The following PLCB4 variants were observed in gnomAD, a reference collection of about 807,000 sequenced individuals.
PLCB4 encodes the protein 1-phosphatidylinositol 4,5-bisphosphate phosphodiesterase beta-4.
A neutral mutation model predicts 178.8 loss-of-function variants in PLCB4; 77 were observed. The ratio of observed to expected loss-of-function variants is 0.43; its 90% CI spans 0.36 to 0.52. PLCB4 has a LOEUF of 0.52. PLCB4 is among the 20% of genes least tolerant of loss of function. PLCB4 has a pLI of 0.00. For synonymous variants in PLCB4, 496 were observed against 490.8 expected (o/e 1.01, Z -0.14); for missense variants, 1,024 against 1,453.4 (o/e 0.70, Z 4.80).
intron 2 of PLCB4, among the ~76,000 whole-genome samples, chr20:9,116,494 A>T (rs1479894147): frequency 6.6e-6 from 1 of 152,170 alleles, no homozygotes; most frequent in Non-Finnish European, 1.5e-5. Flanking sequence ...ACCTATCCTT[A>T]TATCAGTATC....
chr20:9,186,998 G>A (rs535458805), intron 2 of PLCB4, among the ~76,000 whole-genome samples: 1 of 151,792 alleles, frequency 6.6e-6, no homozygotes, highest in South Asian at 2.1e-4. Context: ...TTTTTGAGAT[G>A]GAGTCTTGCT....
At chr20:9,073,545 T>G (rs530193991) in intron 1 of PLCB4, among the ~76,000 whole-genome samples, 2 of 152,272 alleles carry the variant, frequency 1.3e-5, no homozygotes, top group African/African-American at 2.4e-5. Context: ...TTCAATGAGA[T>G]TGATTTCCAT....
chr20:9,459,111 A>G (rs2043229342), intron 34 of PLCB4, among the ~76,000 whole-genome samples: 1 of 152,224 alleles, frequency 6.6e-6, no homozygotes, highest in Non-Finnish European at 1.5e-5. Context: ...TGGGAGGCCG[A>G]GGCAGGTGGA....
At chr20:9,363,965 A>G (rs1341012520) in intron 8 of PLCB4, among the ~76,000 whole-genome samples, 2 of 152,242 alleles carry the variant, frequency 1.3e-5, no homozygotes, top group African/African-American at 4.8e-5. Flanking sequence ...TCCCGGCTTC[A>G]CCATGGCAAA....
chr20:9,337,405 G>A (rs1003414831), intron 5 of PLCB4, among the ~76,000 whole-genome samples, 199 bp downstream of exon 5: 6 of 152,162 alleles, frequency 3.9e-5, no homozygotes, highest in Non-Finnish European at 5.9e-5. Context: ...TCCAGTCTAG[G>A]AGCAATGTCA....
intron 35 of PLCB4, among the ~76,000 whole-genome samples, chr20:9,463,982 C>T (rs569247325): frequency 4.6e-5 from 7 of 152,246 alleles, no homozygotes; most frequent in African/African-American, 1.7e-4. Context: ...ATACATTCTT[C>T]TCAGCACCAC....
At chr20:9,478,290 A>T (rs1461479659) in intron 39 of PLCB4, among the ~76,000 whole-genome samples, 1 of 152,168 alleles carries the variant, frequency 6.6e-6, no homozygotes, top group Non-Finnish European at 1.5e-5. Flanking sequence ...GTCCATAAAA[A>T]GTACCCTAGA....
At chr20:9,129,087 G>A (rs1467065845) in intron 2 of PLCB4, among the ~76,000 whole-genome samples, 1 of 152,080 alleles carries the variant, frequency 6.6e-6, no homozygotes, top group African/African-American at 2.4e-5. Flanking sequence ...GGACACTTGG[G>A]TTGCTTCCAC....
intron 3 of PLCB4, among the ~76,000 whole-genome samples, chr20:9,257,562 G>T (rs1447911132): frequency 1.3e-5 from 2 of 152,088 alleles, no homozygotes; most frequent in African/African-American, 2.4e-5. Flanking sequence ...AATGTTTCAT[G>T]GTTCTTTGGG....
At chr20:9,240,996 C>A (rs1179125468) in intron 3 of PLCB4, among the ~76,000 whole-genome samples, 1 of 152,104 alleles carries the variant, frequency 6.6e-6, no homozygotes, top group Non-Finnish European at 1.5e-5. Flanking sequence ...TACATTGAAT[C>A]AGTCATATTT....
chr20:9,117,487 A>G (rs2091820052), intron 2 of PLCB4, among the ~76,000 whole-genome samples: 1 of 152,162 alleles, frequency 6.6e-6, no homozygotes, highest in Non-Finnish European at 1.5e-5. Flanking sequence ...TCCTGTGTCC[A>G]TTCCTATCCG....
chr20:9,414,631 C>T (rs766677364), intron 25 of PLCB4, among the ~76,000 whole-genome samples: 6 of 152,282 alleles, frequency 3.9e-5, no homozygotes, highest in African/African-American at 1.4e-4. Flanking sequence ...TGTAGCAAAA[C>T]GTCAGATACC....
chr20:9,204,505 G>A (rs372668775), intron 2 of PLCB4, among the ~76,000 whole-genome samples: 1 of 151,966 alleles, frequency 6.6e-6, no homozygotes, highest in African/African-American at 2.4e-5. Context: ...GATTACAGGC[G>A]TGCAGCACCA....
At chr20:9,244,839 G>A (rs2094108003) in intron 3 of PLCB4, among the ~76,000 whole-genome samples, 1 of 152,178 alleles carries the variant, frequency 6.6e-6, no homozygotes, top group Non-Finnish European at 1.5e-5. Flanking sequence ...TAAAGAAAAT[G>A]CAGTATAATG....
At chr20:9,139,931 G>A (rs2092454115) in intron 2 of PLCB4, among the ~76,000 whole-genome samples, 1 of 152,070 alleles carries the variant, frequency 6.6e-6, no homozygotes, top group Non-Finnish European at 1.5e-5. Context: ...AGGGGCTGAG[G>A]TGGGATTAGT....
At chr20:9,261,642 T>A (rs892964279) in intron 3 of PLCB4, among the ~76,000 whole-genome samples, 1 of 152,194 alleles carries the variant, frequency 6.6e-6, no homozygotes, top group Admixed American at 6.5e-5. Flanking sequence ...TTCTTTTACT[T>A]GACTTTGAGT....
At chr20:9,219,022 T>C (rs1284441336) in intron 3 of PLCB4, among the ~76,000 whole-genome samples, 2 of 152,222 alleles carry the variant, frequency 1.3e-5, no homozygotes, top group Admixed American at 6.5e-5. Flanking sequence ...TTATAAATGG[T>C]TCCTATGACG....
intron 3 of PLCB4, among the ~76,000 whole-genome samples, chr20:9,268,381 C>T (rs1010555067): frequency 1.3e-5 from 2 of 152,144 alleles, no homozygotes; most frequent in African/African-American, 4.8e-5. Flanking sequence ...AGGCTGATAT[C>T]CCATTATTCC....
rs1360248239 is a variant in PLCB4, at chr20:9,473,341, A to G, written c.3471A>G (p.Glu1157=). 1 of 1,596,776 alleles carries G rather than the reference A, an allele frequency of 6.3e-7. No individual in the cohort carries two copies. Among genetic ancestry groups the G allele is most frequent in the Non-Finnish European group, 8.6e-7 (1 of 1,168,194 alleles). Residue 1157 remains glutamate, a synonymous_variant, in exon 38 of 40, where the codon GAA becomes GAG. Transcript: ENST00000378473. Reference sequence around the variant, plus strand: ...AAAAAGTCCAGCTTGAACATCTAGAATTCCTAGAGAAACAGAATGAGCAGG... The same window carrying G: ...AAAAAGTCCAGCTTGAACATCTAGAGTTCCTAGAGAAACAGAATGAGCAGG... The part of the protein sequence containing the change: ...QLKKVQLEHL[E]FLEKQNEQLL...
Sources: gnomAD v4.1 joint callset for allele counts (sites outside exome capture counted in the v4.1 genomes callset) on GRCh38, gnomAD v4.1.1 for gene constraint, MANE v1.5 for transcripts, NCBI Gene and HGNC (gene_info 2026-07-23, HGNC 2026-07-21) for gene names.